LHFPL3: variants seen among roughly 807,000 people sequenced by gnomAD.
The protein encoded by LHFPL3 is LHFPL tetraspan subfamily member 3, also known as LHFPL tetraspan subfamily member 3 protein.
In LHFPL3, 5 loss-of-function variants were observed where a neutral mutation model predicts 19.3. That is an observed-to-expected ratio of 0.26 (90% CI 0.14 to 0.54). LHFPL3 has a LOEUF of 0.54. LHFPL3 is among the 20% of genes least tolerant of loss of function. The probability of loss-of-function intolerance (pLI) is 0.94; values close to 1 mark genes in which losing one functional copy is unlikely to be tolerated. For synonymous variants in LHFPL3, 133 were observed against 126.2 expected (o/e 1.05, Z -0.36); for missense variants, 249 against 307.4 (o/e 0.81, Z 1.42).
chr7:104,683,523 A>G (rs1444400287), intron 1 of LHFPL3, among the ~76,000 whole-genome samples: 1 of 152,180 alleles, frequency 6.6e-6, no homozygotes, highest in Non-Finnish European at 1.5e-5. Context: ...GTCTTTTGCC[A>G]TGGTTGGTGA....
intron 1 of LHFPL3, among the ~76,000 whole-genome samples, chr7:104,354,788 A>T (rs1367519692): frequency 6.6e-6 from 1 of 152,128 alleles, no homozygotes; most frequent in African/African-American, 2.4e-5. Flanking sequence ...GTAATTGCAC[A>T]ATTTCTAGTA....
chr7:104,476,752 G>A (rs1280298725), intron 1 of LHFPL3, among the ~76,000 whole-genome samples: 3 of 152,018 alleles, frequency 2.0e-5, no homozygotes, highest in Non-Finnish European at 2.9e-5. Context: ...GAGCCACCAC[G>A]CCCGGCCAGC....
chr7:104,440,016 T>A (rs1792184705), intron 1 of LHFPL3, among the ~76,000 whole-genome samples: 1 of 113,204 alleles, frequency 8.8e-6, no homozygotes, highest in Admixed American at 1.2e-4. Context: ...AATACAAGAT[T>A]ACTATATAAT....
Position 104,427,274 on chromosome 7 carries a change from C to A in LHFPL3, c.445+98050C>A, listed in dbSNP as rs146355957. On this transcript the variant is annotated intron_variant, in intron 1 of 2. Transcript: ENST00000424859. ...GTGAAACCTATGTGAACTTGTAAAGCTGGCTTTGTGGATTAGTAAAATATC... is the reference window on the plus strand; with the variant it reads ...GTGAAACCTATGTGAACTTGTAAAGATGGCTTTGTGGATTAGTAAAATATC... 1.3e-3 allele frequency among the ~76,000 whole-genome samples: 193 copies of A among 152,258 alleles called. 1 individual carries two copies. The highest frequency in any genetic ancestry group is 3.4e-3 in the Middle Eastern group (1 of 292).
chr7:104,357,007 TTTGGGGAC>T (rs1490260518), intron 1 of LHFPL3, among the ~76,000 whole-genome samples: 2 of 152,106 alleles, frequency 1.3e-5, no homozygotes, highest in African/African-American at 4.8e-5. Flanking sequence ...TCACATTTAA[TTTGGGGAC>T]TTGGGGTCCC....
intron 1 of LHFPL3, among the ~76,000 whole-genome samples, chr7:104,464,752 C>T (rs1285000457): frequency 6.6e-6 from 1 of 152,200 alleles, no homozygotes; most frequent in South Asian, 2.1e-4. Context: ...GCCCTGGGCC[C>T]AGCTCATGAG....
intron 1 of LHFPL3, among the ~76,000 whole-genome samples, chr7:104,379,750 T>C (rs1188392073): frequency 2.6e-5 from 4 of 151,916 alleles, no homozygotes; most frequent in Non-Finnish European, 5.9e-5. Context: ...TAAAGAGAGA[T>C]GGAGGGAAAG....
intron 1 of LHFPL3, among the ~76,000 whole-genome samples, chr7:104,467,680 C>T (rs1423032419): frequency 6.6e-6 from 1 of 152,184 alleles, no homozygotes; most frequent in Non-Finnish European, 1.5e-5. Flanking sequence ...AATTTCTCCT[C>T]ATCCAATGAA....
chr7:104,365,443 AT>A (rs35142244), intron 1 of LHFPL3, among the ~76,000 whole-genome samples: 6 of 150,144 alleles, frequency 4.0e-5, no homozygotes, highest in Non-Finnish European at 5.9e-5. Context: ...TGTTTTTGTG[AT>A]TTTTTTTTTA....
chr7:104,622,119 T>C (rs1791456514), intron 1 of LHFPL3, among the ~76,000 whole-genome samples: 1 of 152,232 alleles, frequency 6.6e-6, no homozygotes, highest in African/African-American at 2.4e-5. Context: ...TTTCTTTCTT[T>C]TTTTAGACAT....
intron 1 of LHFPL3, among the ~76,000 whole-genome samples, chr7:104,699,737 G>C (rs896031718): frequency 6.6e-6 from 1 of 152,142 alleles, no homozygotes; most frequent in Admixed American, 6.5e-5. Context: ...CCCTATCAAA[G>C]CAGTTTTCCC....
intron 2 of LHFPL3, among the ~76,000 whole-genome samples, chr7:104,749,195 T>C (rs1192803909): frequency 1.3e-5 from 2 of 151,984 alleles, no homozygotes; most frequent in African/African-American, 4.8e-5. Context: ...CCCTAAATAA[T>C]GAAAAGGAGT....
chr7:104,616,713 G>A lies in LHFPL3; in HGVS notation c.446-119962G>A, dbSNP rs185160498. On this transcript the variant is annotated intron_variant, in intron 1 of 2. Transcript: ENST00000424859. The stretch of plus-strand genomic sequence containing the variant: ...GAGTGAACAGGCAACCTACAGAATG[G>A]GAGAAAATTTTTCCATTCTGTAGGT... Among the ~76,000 whole-genome samples the A allele has an allele frequency of 2.6e-5, 4 of 152,144 alleles. No individual in the cohort carries two copies. In the East Asian group the frequency reaches 5.8e-4, roughly 22 times the overall value.
intron 1 of LHFPL3, among the ~76,000 whole-genome samples, chr7:104,613,861 G>C (rs779093864): frequency 1.3e-5 from 2 of 152,138 alleles, no homozygotes; most frequent in African/African-American, 2.4e-5. Context: ...TTAAGCACTG[G>C]GTGAGCTAGT....
intron 1 of LHFPL3, among the ~76,000 whole-genome samples, chr7:104,684,225 G>A (rs577104701): frequency 3.0e-4 from 45 of 152,274 alleles, no homozygotes; most frequent in African/African-American, 1.0e-3. Context: ...AGGATTATGG[G>A]TGCCCCAACC....
At chr7:104,567,471 C>A (rs1790146257) in intron 1 of LHFPL3, among the ~76,000 whole-genome samples, 1 of 152,220 alleles carries the variant, frequency 6.6e-6, no homozygotes, top group South Asian at 2.1e-4. Flanking sequence ...ATCCTCAAAG[C>A]TGGTGCATTG....
intron 2 of LHFPL3, among the ~76,000 whole-genome samples, chr7:104,818,210 A>G (rs1293788944): frequency 7.2e-5 from 11 of 152,096 alleles, no homozygotes; most frequent in Admixed American, 6.6e-4. Flanking sequence ...TTCCTGTTCT[A>G]TTTTATTTTC....
chr7:104,401,215 C>A (rs73403860), intron 1 of LHFPL3, among the ~76,000 whole-genome samples: 6,215 of 152,152 alleles, frequency 0.041, 442 homozygotes, highest in African/African-American at 0.14. Context: ...GAACATGGCT[C>A]TTCTAGATCC....
chr7:104,687,188 A>G (rs1007113062), intron 1 of LHFPL3, among the ~76,000 whole-genome samples: 1 of 152,178 alleles, frequency 6.6e-6, no homozygotes, highest in African/African-American at 2.4e-5. Flanking sequence ...CTTTACTTAC[A>G]TTTACCTACT....
Sources: gnomAD v4.1 joint callset for allele counts (sites outside exome capture counted in the v4.1 genomes callset) on GRCh38, gnomAD v4.1.1 for gene constraint, MANE v1.5 for transcripts, NCBI Gene and HGNC (gene_info 2026-07-23, HGNC 2026-07-21) for gene names.